INPP5D: variants seen among roughly 807,000 people sequenced by gnomAD.
INPP5D encodes phosphatidylinositol 3,4,5-trisphosphate 5-phosphatase 1.
Under a neutral mutation model 122.9 loss-of-function variants are expected in INPP5D, and 33 were observed. The ratio of observed to expected loss-of-function variants is 0.27; its 90% CI spans 0.20 to 0.36. The LOEUF is 0.36. INPP5D is among the 10% of genes least tolerant of loss of function. INPP5D has a pLI of 1.00. For missense variants in INPP5D, 1,053 were observed against 1,412.7 expected, an observed-to-expected ratio of 0.75 and a Z score of 4.08; for synonymous variants, 584 against 576.2, an observed-to-expected ratio of 1.01 and a Z score of -0.19.
chr2:233,202,840 T>TTGGGTCACAACACAGGA (rs1377303038), intron 25 of INPP5D, among the ~76,000 whole-genome samples: 2 of 152,192 alleles, frequency 1.3e-5, no homozygotes, highest in African/African-American at 4.8e-5. Flanking sequence ...AGGCAGCACT[T>TTGGGTCACAACACAGGA]GCCTACTTTG....
intron 3 of INPP5D, among the ~76,000 whole-genome samples, chr2:233,124,093 C>T (rs1049962244): frequency 6.3e-4 from 96 of 152,014 alleles, no homozygotes; most frequent in East Asian, 2.5e-3. Flanking sequence ...TGCACAGGTA[C>T]CCCTGAACTT....
At position 233,112,355 on chromosome 2, in the gene INPP5D, C is replaced by A. The variant is rs144698699; in HGVS notation, c.199-9752C>A. Among the ~76,000 whole-genome samples, 3 of 152,226 alleles carry A rather than the reference C, an allele frequency of 2.0e-5. No individual in the cohort carries two copies. In the East Asian group the frequency reaches 5.8e-4, roughly 29 times the overall value. ...GATGTTTGAATTGTGCTGGATGCAC[C>A]TTTCAACTGTTCCTTCAGTTGGCTC... is the stretch of plus-strand genomic sequence containing the variant. On this transcript the variant is annotated intron_variant, in intron 2 of 26. Coordinates refer to ENST00000445964, the MANE Select transcript of INPP5D (RefSeq NM_001017915.3).
chr2:233,113,818 C>T (rs1004129932), intron 2 of INPP5D, among the ~76,000 whole-genome samples: 3 of 152,114 alleles, frequency 2.0e-5, no homozygotes, highest in South Asian at 2.1e-4. Flanking sequence ...GCGTCCACAC[C>T]GTAGCCGAGG....
chr2:233,146,977 G>A (rs142582288), intron 8 of INPP5D, among the ~76,000 whole-genome samples: 5 of 152,022 alleles, frequency 3.3e-5, no homozygotes, highest in African/African-American at 7.2e-5. Flanking sequence ...CCCAAAGTCC[G>A]TTCTAGACCT....
At position 233,118,926 on chromosome 2, in the gene INPP5D, G is replaced by C. The variant is rs148431200; in HGVS notation, c.199-3181G>C. On this transcript the variant is annotated intron_variant, in intron 2 of 26. Transcript: ENST00000445964. Reference sequence around the variant, plus strand: ...TTGGTTTGCCAGACCCTGGCTCCCTGGCCTCTGGGAGCGGGCCAGGCACAC... The same window carrying C: ...TTGGTTTGCCAGACCCTGGCTCCCTCGCCTCTGGGAGCGGGCCAGGCACAC... Among the ~76,000 whole-genome samples the C allele has an allele frequency of 4.5e-3, 679 of 152,364 alleles. 7 individuals are homozygous for C. Among genetic ancestry groups the C allele is most frequent in the African/African-American group, 0.016 (648 of 41,588 alleles).
At chr2:233,094,017 G>A (rs532267996) in intron 2 of INPP5D, among the ~76,000 whole-genome samples, 3 of 152,172 alleles carry the variant, frequency 2.0e-5, no homozygotes, top group South Asian at 2.1e-4. Flanking sequence ...TAGAGCCCAA[G>A]AGATTCTCTA....
chr2:233,093,461 A>T (rs1013785117), intron 2 of INPP5D, among the ~76,000 whole-genome samples: 25 of 152,062 alleles, frequency 1.6e-4, no homozygotes, highest in African/African-American at 5.8e-4. Context: ...CAGGCAGATC[A>T]TTTGAGGTCA....
In INPP5D at chr2:233,105,322, C is replaced by T. The variant is rs956277940; in HGVS notation, c.199-16785C>T. On this transcript the variant is annotated intron_variant, in intron 2 of 26. Transcript: ENST00000445964. This position sits in a 1 kb window ranked among gnomAD's most constrained non-coding sequence, Gnocchi z 4.0. Reference sequence around the variant, plus strand: ...ATCTACACCTGTGCTTTGCCAGTGCCGCTCCCTTCGCCCGCCAGGGTGCTC... The same window carrying T: ...ATCTACACCTGTGCTTTGCCAGTGCTGCTCCCTTCGCCCGCCAGGGTGCTC... 2.6e-5 allele frequency among the ~76,000 whole-genome samples: 4 copies of T among 152,188 alleles called. No homozygotes were observed. Among genetic ancestry groups the T allele is most frequent in the Non-Finnish European group, 5.9e-5 (4 of 68,042 alleles).
At chr2:233,108,539 A>G (rs1054813821) in intron 2 of INPP5D, among the ~76,000 whole-genome samples, 9 of 152,182 alleles carry the variant, frequency 5.9e-5, no homozygotes, top group African/African-American at 1.9e-4. Flanking sequence ...TATTTAAACG[A>G]GATGAGGTCT....
At chr2:233,172,197 G>T (rs1229878283) in intron 17 of INPP5D, among the ~76,000 whole-genome samples, 1 of 152,254 alleles carries the variant, frequency 6.6e-6, no homozygotes, top group Non-Finnish European at 1.5e-5. Flanking sequence ...TGTCAGAGCA[G>T]GTCCTTGGGG....
At chr2:233,184,959 G>A (rs1694875081) in intron 20 of INPP5D, among the ~76,000 whole-genome samples, 1 of 152,050 alleles carries the variant, frequency 6.6e-6, no homozygotes, top group African/African-American at 2.4e-5. Flanking sequence ...AGATCACAGC[G>A]TCTTTCTCGG....
chr2:233,088,812 G>A (rs916300599), intron 2 of INPP5D, among the ~76,000 whole-genome samples: 1 of 152,132 alleles, frequency 6.6e-6, no homozygotes, highest in African/African-American at 2.4e-5. Context: ...TGAGACTTTG[G>A]GACACAAAAA....
At chr2:233,080,426 C>T (rs1422771838) in intron 2 of INPP5D, among the ~76,000 whole-genome samples, 1 of 76,902 alleles carries the variant, frequency 1.3e-5, no homozygotes, top group East Asian at 3.6e-4. Context: ...GTTTCCACAT[C>T]CCGGGTGTGT....
chr2:233,121,590 A>C (rs1692981304), intron 2 of INPP5D, among the ~76,000 whole-genome samples: 1 of 151,604 alleles, frequency 6.6e-6, no homozygotes, highest in South Asian at 2.1e-4. Context: ...ATCTCGGCTC[A>C]CTGCAACCTC....
chr2:233,109,124 G>A (rs544048875), intron 2 of INPP5D, among the ~76,000 whole-genome samples: 4 of 152,302 alleles, frequency 2.6e-5, no homozygotes, highest in African/African-American at 4.8e-5. Flanking sequence ...CACAAAATGA[G>A]ACCTGCCTTG....
Position 233,189,918 on chromosome 2 carries a change from T to C in INPP5D, c.2427T>C (p.Ser809=), listed in dbSNP as rs1695008014. The change falls in exon 22 of 27, where the codon TCT becomes TCC. Residue 809 remains serine, a synonymous_variant. Transcript: ENST00000445964. The surrounding 1 kb of genome is among the most constrained non-coding windows in gnomAD (Gnocchi z 5.6). ...DQHILISIKS[S]DSDESYGEGC... is the part of the protein sequence containing the mutation. The stretch of plus-strand genomic sequence containing the variant: ...ACATCCTCATCAGCATCAAGTCCTC[T>C]GACAGCGACGAATCCTATGGTAAGG... The C allele has an allele frequency of 6.2e-7, 1 of 1,613,460 alleles. No homozygotes were observed. The highest frequency in any genetic ancestry group is 2.2e-5 in the East Asian group (1 of 44,884).
In INPP5D at chr2:233,164,165, C is replaced by A; in HGVS notation, c.1438-142C>A. The A allele has an allele frequency of 7.0e-7, 1 of 1,421,512 alleles. No homozygotes were observed. The highest frequency in any genetic ancestry group is 1.5e-5 in the South Asian group (1 of 67,566). 88.1% of individuals were successfully genotyped at this position (1,421,512 alleles called of 1,614,324 possible). A position where few individuals can be genotyped will look rare whatever the true frequency, so the allele number is the denominator to read the frequency against. Reference sequence around the variant, plus strand: ...ATGTTTTGTCTCGCCTATCAAGCATCGCTGGGAGTCCCCCGAAGGGTTGGG... The same window carrying A: ...ATGTTTTGTCTCGCCTATCAAGCATAGCTGGGAGTCCCCCGAAGGGTTGGG... On this transcript the variant is annotated intron_variant, in intron 12 of 26. Transcript: ENST00000445964. This position sits in a 1 kb window ranked among gnomAD's most constrained non-coding sequence, Gnocchi z 4.3.
At position 233,171,161 on chromosome 2, in the gene INPP5D, T is replaced by C. The variant is rs777974990; in HGVS notation, c.1989+9T>C. ...AGCAGAAAGCGACAGGGGTGAGTCC[T>C]CTTCATAGACACCTTCCCTGCCCTC... On this transcript the variant is annotated intron_variant, in intron 17 of 26. Coordinates refer to ENST00000445964, the MANE Select transcript of INPP5D (RefSeq NM_001017915.3). 4 of 1,613,228 alleles carry C rather than the reference T, an allele frequency of 2.5e-6. No homozygotes were observed. Among genetic ancestry groups the C allele is most frequent in the Non-Finnish European group, 3.4e-6 (4 of 1,179,618 alleles).
chr2:233,127,807 C>T (rs1693206717), intron 4 of INPP5D, among the ~76,000 whole-genome samples: 1 of 152,174 alleles, frequency 6.6e-6, no homozygotes, highest in South Asian at 2.1e-4. Flanking sequence ...GGGGTTTCTC[C>T]ATGTTGGTTA....
Sources: gnomAD v4.1 joint callset for allele counts (sites outside exome capture counted in the v4.1 genomes callset) on GRCh38, gnomAD v4.1.1 for gene constraint, Gnocchi (gnomAD v3.1) non-coding constraint, MANE v1.5 for transcripts, NCBI Gene and HGNC (gene_info 2026-07-23, HGNC 2026-07-21) for gene names.